The following TNN variants were observed in gnomAD, a reference collection of about 807,000 sequenced individuals.
TNN encodes the protein tenascin-N.
In TNN, 122 loss-of-function variants were observed where a neutral mutation model predicts 134.4. The ratio of observed to expected loss-of-function variants is 0.91; its 90% CI spans 0.78 to 1.06. The LOEUF (loss-of-function observed/expected upper bound fraction) is 1.06, where lower values mean the gene tolerates loss of function less well. Ranked by LOEUF, TNN falls within the 50% of genes least tolerant of loss-of-function variation. TNN has a pLI of 0.00. For missense variants in TNN, 1,739 were observed against 1,699.4 expected, an observed-to-expected ratio of 1.02 and a Z score of -0.41; for synonymous variants, 710 against 670.3, an observed-to-expected ratio of 1.06 and a Z score of -0.91.
rs201118610 is a variant in TNN at position 175,136,984 on chromosome 1, G to A, written c.3591G>A (p.Thr1197=). Residue 1197 remains threonine (T), a synonymous_variant, in exon 17 of 19, where the codon ACG becomes ACA. Transcript: ENST00000239462. The part of the protein sequence containing the change: ...YKLTVGKYRG[T]AGDALTYHNG... ...TGACAGTTGGGAAATACAGAGGCACGGCAGGTGAGAAAAAATGTTTTCTTA... is the reference window on the plus strand; with the variant it reads ...TGACAGTTGGGAAATACAGAGGCACAGCAGGTGAGAAAAAATGTTTTCTTA... The A allele has an allele frequency of 1.7e-4, 282 of 1,613,776 alleles. 1 individual carries two copies. Among genetic ancestry groups the A allele is most frequent in the South Asian group, 6.0e-4 (55 of 91,054 alleles).
At chr1:175,076,789 T>C (rs1674051127) in intron 1 of TNN, among the ~76,000 whole-genome samples, 1 of 152,150 alleles carries the variant, frequency 6.6e-6, no homozygotes, top group Non-Finnish European at 1.5e-5. Flanking sequence ...GGGGTCAGAT[T>C]GCCTGGGTTC....
chr1:175,105,581 C>T (rs1465783034), intron 9 of TNN, among the ~76,000 whole-genome samples: 1 of 145,662 alleles, frequency 6.9e-6, no homozygotes, highest in African/African-American at 2.5e-5. Context: ...ACTCCATTTG[C>T]CTTCCCTCTT....
chr1:175,118,770 T>A lies in TNN; in HGVS notation c.2596T>A (p.Trp866Arg). 1 of 1,614,172 alleles carries A rather than the reference T, an allele frequency of 6.2e-7. No homozygotes were observed. Among genetic ancestry groups the A allele is most frequent in the Admixed American group, 1.7e-5 (1 of 60,024 alleles). The change falls in exon 11 of 19, where the codon TGG becomes AGG. Residue 866 changes from tryptophan to arginine, a missense_variant. Trp to Arg is a moderately radical substitution (Grantham distance 101). Transcript: ENST00000239462. ...RPGMEYTVHV[W>R]AQKGNQESKK... ...GGGCATGGAGTACACGGTGCACGTG[T>A]GGGCCCAGAAGGGGAACCAGGAGAG...
intron 15 of TNN, among the ~76,000 whole-genome samples, chr1:175,132,339 C>G (rs892590378): frequency 6.6e-6 from 1 of 152,156 alleles, no homozygotes; most frequent in Non-Finnish European, 1.5e-5. Flanking sequence ...TCTGGATACT[C>G]GCTTTTCTGG....
chr1:175,107,128 T>C lies in TNN; in HGVS notation c.2119+8533T>C, dbSNP rs1314882259. Reference sequence around the variant, plus strand: ...AAATGTGTCCGGAATTGGTGGGTTCTTGGTCTCACTGACTTCAAGGATGAA... The same window carrying C: ...AAATGTGTCCGGAATTGGTGGGTTCCTGGTCTCACTGACTTCAAGGATGAA... On this transcript the variant is annotated intron_variant, in intron 9 of 18. Transcript: ENST00000239462. 1.4e-5 allele frequency among the ~76,000 whole-genome samples: 2 copies of C among 146,354 alleles called. 1 individual carries two copies. Among genetic ancestry groups the C allele is most frequent in the Non-Finnish European group, 3.0e-5 (2 of 65,928 alleles).
intron 9 of TNN, among the ~76,000 whole-genome samples, chr1:175,110,721 C>T (rs1488852307): frequency 1.3e-5 from 2 of 152,124 alleles, no homozygotes; most frequent in Non-Finnish European, 2.9e-5. Flanking sequence ...TTCCATTGTG[C>T]CTATGTGTCC....
chr1:175,079,436 C>A lies in TNN; in HGVS notation c.513C>A (p.Cys171Ter). 2 of 1,582,234 alleles carry A rather than the reference C, an allele frequency of 1.3e-6. No homozygotes were observed. Among genetic ancestry groups the A allele is most frequent in the Non-Finnish European group, 1.7e-6 (2 of 1,167,474 alleles). Residue 171 changes from cysteine (C) to a stop codon, truncating the protein, a stop_gained, in exon 3 of 19, where the codon TGC (cysteine) becomes TGA (stop). Transcript: ENST00000239462. LOFTEE classifies it high-confidence loss of function. The part of the protein sequence containing the change: ...REGPACERLA[C>*]PGACSGHGRC... ...GCCCCGCCTGCGAGCGGCTGGCCTG[C>A]CCCGGGGCGTGCAGCGGCCACGGGC... is the stretch of plus-strand genomic sequence containing the variant.
intron 4 of TNN, among the ~76,000 whole-genome samples, chr1:175,083,232 G>T (rs1236486970): frequency 6.6e-6 from 1 of 152,218 alleles, no homozygotes; most frequent in Non-Finnish European, 1.5e-5. Context: ...GAGAGGCAAG[G>T]GCTGCAATTT....
intron 5 of TNN, 47 bp downstream of exon 5, chr1:175,083,982 G>T (rs767020367): frequency 2.8e-5 from 45 of 1,587,074 alleles, no homozygotes; most frequent in Non-Finnish European, 3.8e-5. Flanking sequence ...GGATGCAGAG[G>T]TGGGGATAGT....
intron 2 of TNN, among the ~76,000 whole-genome samples, chr1:175,078,657 G>A (rs952882239): frequency 4.6e-5 from 7 of 152,154 alleles, no homozygotes; most frequent in African/African-American, 7.2e-5. Context: ...GCGTTTTTAG[G>A]AAGGAAAGAA....
intron 17 of TNN, among the ~76,000 whole-genome samples, chr1:175,141,318 G>T (rs1675939808): frequency 6.6e-6 from 1 of 152,090 alleles, no homozygotes; most frequent in African/African-American, 2.4e-5. Context: ...GAATTCTAGG[G>T]CTAACCAATG....
At chr1:175,080,126 G>A in intron 3 of TNN, 37 bp from the exon 4 acceptor site, 1 of 1,606,904 alleles carries the variant, frequency 6.2e-7, no homozygotes, top group East Asian at 2.2e-5. Flanking sequence ...CGCCTCCCTT[G>A]CTCACCCTCT....
chr1:175,146,911 T>C lies in TNN; in HGVS notation c.3760-20T>C, dbSNP rs79452257. ...CCTAAGAGCCTCTTCTTGATGTGGC[T>C]TTTTTTTTTTTTTTGGTAGGGGGTG... is the stretch of plus-strand genomic sequence containing the variant. On this transcript the variant is annotated intron_variant, in intron 18 of 18. Coordinates refer to ENST00000239462, the MANE Select transcript of TNN (RefSeq NM_022093.2). 3 of 260,874 alleles carry C rather than the reference T, an allele frequency of 1.1e-5. No homozygotes were observed. Among genetic ancestry groups the C allele is most frequent in the Non-Finnish European group, 1.6e-5 (3 of 187,842 alleles). The allele number at this position is 260,874 out of a possible 1,614,324, so 16.2% of individuals were successfully genotyped here. A position where few individuals can be genotyped will look rare whatever the true frequency, so the allele number is the denominator to read the frequency against.
intron 6 of TNN, among the ~76,000 whole-genome samples, chr1:175,087,928 T>C (rs1309535196): frequency 2.0e-5 from 3 of 152,206 alleles, no homozygotes; most frequent in Non-Finnish European, 4.4e-5. Flanking sequence ...TTTACCTATT[T>C]AGTATAATAA....
rs760111121 is a variant in TNN at position 175,077,754 on chromosome 1, G to A, written c.336G>A (p.Val112=). 1.2e-6 allele frequency: 2 copies of A among 1,614,222 alleles called. No homozygotes were observed. The highest frequency in any genetic ancestry group is 1.7e-6 in the Non-Finnish European group (2 of 1,180,036). The change falls in exon 2 of 19, where the codon GTG becomes GTA. Residue 112 remains valine, a synonymous_variant. Coordinates refer to ENST00000239462, the MANE Select transcript of TNN (RefSeq NM_022093.2). ...AGSVQDLLAR[V]KKLEEEMVEM... is the part of the protein sequence containing the mutation. ...GTGTCCAGGACCTCCTGGCCCGGGT[G>A]AAGAAGCTGGAGGAAGAGATGGTGG...
intron 9 of TNN, among the ~76,000 whole-genome samples, chr1:175,105,959 G>A (rs1197319711): frequency 6.9e-6 from 1 of 145,842 alleles, no homozygotes; most frequent in Non-Finnish European, 1.5e-5. Flanking sequence ...CCTGGACCCT[G>A]CTGACTTGAA....
intron 9 of TNN, among the ~76,000 whole-genome samples, chr1:175,102,420 G>A (rs147579949): frequency 0.021 from 3,023 of 146,208 alleles, 412 homozygotes; most frequent in Middle Eastern, 0.1. Flanking sequence ...TAGGCATGGC[G>A]GGCTGCAGGT....
chr1:175,128,819 C>T (rs769276941), intron 15 of TNN, 73 bp downstream of exon 15: 2 of 1,449,104 alleles, frequency 1.4e-6, no homozygotes, highest in Non-Finnish European at 1.8e-6. Context: ...GTCATGGATG[C>T]TCCATAGAGT....
chr1:175,075,391 G>T (rs950999101), intron 1 of TNN, among the ~76,000 whole-genome samples: 1 of 152,174 alleles, frequency 6.6e-6, no homozygotes, highest in South Asian at 2.1e-4. Flanking sequence ...TCCGCCTCCC[G>T]GGTTCCAGCA....
Sources: allele counts gnomAD v4.1 joint callset (sites outside exome capture counted in the v4.1 genomes callset), GRCh38; gene constraint gnomAD v4.1.1; transcripts MANE v1.5; gene names NCBI Gene and HGNC (gene_info 2026-07-23, HGNC 2026-07-21).